Variants in EPS8L1 observed in about 807,000 individuals in gnomAD.
EPS8L1 encodes epidermal growth factor receptor kinase substrate 8-like protein 1.
EPS8L1 carries 101 observed loss-of-function variants against 91.7 expected under a neutral mutation model. The ratio of observed to expected loss-of-function variants is 1.10; its 90% CI spans 0.94 to 1.30. The LOEUF (loss-of-function observed/expected upper bound fraction) is 1.30, where lower values mean the gene tolerates loss of function less well. Among genes scored for constraint, EPS8L1 ranks in the 50% most tolerant of loss-of-function variants. The pLI is 0.00. For missense variants in EPS8L1, 1,114 were observed against 1,017.0 expected, an observed-to-expected ratio of 1.10 and a Z score of -1.30; for synonymous variants, 506 against 445.3, an observed-to-expected ratio of 1.14 and a Z score of -1.72.
chr19:55,087,252 GC>G (rs2083643192), intron 18 of EPS8L1, 50 bp from the exon 19 acceptor site: 3 of 1,547,072 alleles, frequency 1.9e-6, no homozygotes, highest in East Asian at 4.8e-5. Flanking sequence ...GATTGTCCGG[GC>G]TGGGGCATCC....
At chr19:55,080,385 C>T in intron 6 of EPS8L1, 107 bp downstream of exon 6, 1 of 1,557,138 alleles carries the variant, frequency 6.4e-7, no homozygotes, top group Non-Finnish European at 8.7e-7. Context: ...GGGGCTAAGG[C>T]GGGATCAGAG....
rs1213339479 is a variant in EPS8L1 at position 55,079,473 on chromosome 19, C to T, written c.118-217C>T. On this transcript the variant is annotated intron_variant, in intron 4 of 19. Coordinates refer to ENST00000201647, the MANE Select transcript of EPS8L1 (RefSeq NM_133180.3). ...CTCCTTCCCTGCCCGCAAGGAGCCT[C>T]CAGTCTGTGAGAAGCCAGACTCAGG... 4 of 616,044 alleles carry T rather than the reference C, an allele frequency of 6.5e-6. No homozygotes were observed. In the East Asian group the frequency reaches 1.1e-4, roughly 17 times the overall value. 38.2% of individuals were successfully genotyped at this position (616,044 alleles called of 1,614,324 possible). A position where few individuals can be genotyped will look rare whatever the true frequency, so the allele number is the denominator to read the frequency against.
chr19:55,083,767 G>A lies in EPS8L1; in HGVS notation c.1385+123G>A, dbSNP rs1337435064. 10 of 1,340,512 alleles carry A rather than the reference G, an allele frequency of 7.5e-6. No homozygotes were observed. In the South Asian group the frequency reaches 1.2e-4, roughly 17 times the overall value. The allele number at this position is 1,340,512 out of a possible 1,614,324, so 83.0% of individuals were successfully genotyped here. ...CTTCTGTCTTCCTGGCTCTTCTCAG[G>A]TGGGTGAGATGGTGATGGGGCGGGC... On this transcript the variant is annotated intron_variant, in intron 14 of 19. Coordinates refer to ENST00000201647, the MANE Select transcript of EPS8L1 (RefSeq NM_133180.3). This position sits in a 1 kb window ranked among gnomAD's most constrained non-coding sequence, Gnocchi z 4.7.
chr19:55,081,989 G>T lies in EPS8L1; in HGVS notation c.901+90G>T, dbSNP rs1308214209. 2.5e-5 allele frequency: 39 copies of T among 1,554,864 alleles called. No individual in the cohort carries two copies. The Admixed American group carries it at 2.9e-4, about 12-fold the overall frequency. On this transcript the variant is annotated intron_variant, in intron 9 of 19. Coordinates refer to ENST00000201647, the MANE Select transcript of EPS8L1 (RefSeq NM_133180.3). This position sits in a 1 kb window ranked among gnomAD's most constrained non-coding sequence, Gnocchi z 4.9. ...CCCAGGCTCTCCCCTCCCGCCACTT[G>T]CCAGGGCTGACCTCACCGCCATCTT...
chr19:55,080,425 G>A lies in EPS8L1; in HGVS notation c.429+147G>A, dbSNP rs113635251. The A allele has an allele frequency of 1.1e-3, 1,723 of 1,601,722 alleles. 22 individuals are homozygous for A. In the African/African-American group the frequency reaches 0.021, roughly 20 times the overall value. ...GAAGGGCAGGGGACCTGGGAAGGAAGTTCTGGAAGGCAGTGGGGTTTGAGA... is the reference window on the plus strand; with the variant it reads ...GAAGGGCAGGGGACCTGGGAAGGAAATTCTGGAAGGCAGTGGGGTTTGAGA... On this transcript the variant is annotated intron_variant, in intron 6 of 19. Coordinates refer to ENST00000201647, the MANE Select transcript of EPS8L1 (RefSeq NM_133180.3).
Position 55,087,536 on chromosome 19 carries a change from G to GA in EPS8L1, c.2097dup (p.Val700SerfsTer74). 1 of 1,614,248 alleles carries GA rather than the reference G, an allele frequency of 6.2e-7. No individual in the cohort carries two copies. The highest frequency in any genetic ancestry group is 8.5e-7 in the Non-Finnish European group (1 of 1,180,050). ...TCCACCCCGCCCTCCAGGACAAAGA[G>GA]AAAGTGTCAGAGCTGGAGGCAGTGA... On this transcript the variant is annotated frameshift_variant, in exon 20 of 20. Coordinates refer to ENST00000201647, the MANE Select transcript of EPS8L1 (RefSeq NM_133180.3). LOFTEE classifies it high-confidence loss of function.
chr19:55,080,457 C>T, intron 6 of EPS8L1, 179 bp downstream of exon 6: 9 of 1,612,408 alleles, frequency 5.6e-6, no homozygotes, highest in Non-Finnish European at 5.9e-6. Context: ...GAGATTGGAC[C>T]CAGGGTCAAG....
At position 55,077,931 on chromosome 19, in the gene EPS8L1, TCAATAA is replaced by T. The variant is rs757246168; in HGVS notation, c.18-156_18-151del. ...CAGCTCTGGCTCTGAGCTCTCCTGC[TCAATAA>T]TAATAATAATAATAATAATAATAAT... On this transcript the variant is annotated intron_variant, in intron 2 of 19. Coordinates refer to ENST00000201647, the MANE Select transcript of EPS8L1 (RefSeq NM_133180.3). Among the ~76,000 whole-genome samples the T allele has an allele frequency of 2.3e-3, 322 of 138,688 alleles. 1 individual carries two copies. The highest frequency in any genetic ancestry group is 0.014 in the East Asian group (66 of 4,738). 91.0% of individuals were successfully genotyped at this position (138,688 alleles called of 152,430 possible).
Position 55,086,425 on chromosome 19 carries a change from C to T in EPS8L1, c.1684C>T (p.Pro562Ser). The T allele has an allele frequency of 7.1e-6, 11 of 1,558,798 alleles. No homozygotes were observed. The highest frequency in any genetic ancestry group is 9.6e-6 in the Non-Finnish European group (11 of 1,150,334). ...TCCTCCTCCACCACCAGCCCCAGCC[C>T]CGGCCCCACCTCCAGCTCTGGCTCG... ...STPPPPPAPA[P>S]APPPALARPR... The change falls in exon 17 of 20, where the codon CCG becomes TCG. Residue 562 changes from proline to serine, a missense_variant. Transcript: ENST00000201647.
rs1275799774 is a variant in EPS8L1, at chr19:55,083,794, G to A, written c.1385+150G>A. On this transcript the variant is annotated intron_variant, in intron 14 of 19. Transcript: ENST00000201647. This position sits in a 1 kb window ranked among gnomAD's most constrained non-coding sequence, Gnocchi z 4.7. The stretch of plus-strand genomic sequence containing the variant: ...GGGTGAGATGGTGATGGGGCGGGCC[G>A]GGGCTGGGAGAGAGGGAGGAGCAGG... 3.9e-6 allele frequency: 4 copies of A among 1,013,064 alleles called. No homozygotes were observed. Among genetic ancestry groups the A allele is most frequent in the Admixed American group, 4.0e-5 (2 of 49,924 alleles). 62.8% of individuals were successfully genotyped at this position (1,013,064 alleles called of 1,614,324 possible).
rs751550041 is a variant in EPS8L1, at chr19:55,083,535, C to T, written c.1356+16C>T. On this transcript the variant is annotated intron_variant, in intron 13 of 19. Coordinates refer to ENST00000201647, the MANE Select transcript of EPS8L1 (RefSeq NM_133180.3). This position sits in a 1 kb window ranked among gnomAD's most constrained non-coding sequence, Gnocchi z 4.7. ...GCGCCGGCAGGTGACCCAAGCGACA[C>T]AGCAGGGCCGAGGCTGGGAAGTCCG... 2.5e-6 allele frequency: 4 copies of T among 1,606,696 alleles called. No individual in the cohort carries two copies. In the South Asian group the frequency reaches 4.4e-5, roughly 18 times the overall value.
chr19:55,076,285 G>A (rs767081873), intron 1 of EPS8L1, 123 bp from the exon 2 acceptor site: 2 of 779,600 alleles, frequency 2.6e-6, no homozygotes, highest in Non-Finnish European at 4.0e-6. Context: ...GGGGCTGGGG[G>A]CCTGGACTCC....
chr19:55,079,791 A>G lies in EPS8L1; in HGVS notation c.219A>G (p.Ala73=), dbSNP rs759558477. 1 of 1,614,112 alleles carries G rather than the reference A, an allele frequency of 6.2e-7. No homozygotes were observed. The highest frequency in any genetic ancestry group is 1.1e-5 in the South Asian group (1 of 91,082). Residue 73 remains alanine (A), a synonymous_variant, in exon 5 of 20, where the codon GCA becomes GCG. Coordinates refer to ENST00000201647, the MANE Select transcript of EPS8L1 (RefSeq NM_133180.3). ...TGGATAGCCAGGGCCGAGTCTGGGC[A>G]CAGGAGATGCTGCTGCGAGTGTCTC... ...AVMDSQGRVW[A]QEMLLRVSPD...
At position 55,080,279 on chromosome 19, in the gene EPS8L1, G is replaced by A. The variant is rs1476297269; in HGVS notation, c.429+1G>A. 6.5e-7 allele frequency: 1 copy of A among 1,534,002 alleles called. No individual in the cohort carries two copies. The highest frequency in any genetic ancestry group is 8.8e-7 in the Non-Finnish European group (1 of 1,137,304). On this transcript the variant is annotated splice_donor_variant, in intron 6 of 19. Coordinates refer to ENST00000201647, the MANE Select transcript of EPS8L1 (RefSeq NM_133180.3). LOFTEE classifies it high-confidence loss of function. ...CTTCTTCCAGGGCCTGCGCCTCGGG[G>A]TGAGCAGATGGGCTGGCTCTGGGGG...
At position 55,085,904 on chromosome 19, in the gene EPS8L1, C is replaced by T. The variant is rs758763191; in HGVS notation, c.1449C>T (p.Val483=). The T allele has an allele frequency of 1.2e-6, 2 of 1,613,602 alleles. No homozygotes were observed. Among genetic ancestry groups the T allele is most frequent in the Non-Finnish European group, 1.7e-6 (2 of 1,179,848 alleles). ...AGTCAGAGACAGCAGGAAAATGGGT[C>T]CTGTGTAATTATGACTTCCAGGCCC... ...QLESETAGKW[V]LCNYDFQARN... is the part of the protein sequence containing the mutation. The change falls in exon 15 of 20, where the codon GTC becomes GTT. Residue 483 remains valine, a synonymous_variant. Coordinates refer to ENST00000201647, the MANE Select transcript of EPS8L1 (RefSeq NM_133180.3).
At position 55,081,240 on chromosome 19, in the gene EPS8L1, G is replaced by A. The variant is rs1377387517; in HGVS notation, c.522G>A (p.Gln174=). Residue 174 remains glutamine, a synonymous_variant, in exon 8 of 20, where the codon CAG becomes CAA. Coordinates refer to ENST00000201647, the MANE Select transcript of EPS8L1 (RefSeq NM_133180.3). The surrounding 1 kb of genome is among the most constrained non-coding windows in gnomAD (Gnocchi z 4.9). ...CCGTCGCCCTCCGCAGGGCCACGCA[G>A]GAGGAGTTGCAGCGCGACCGCTCGC... ...ERRAAALRAT[Q]EELQRDRSPA... The A allele has an allele frequency of 5.9e-6, 9 of 1,519,074 alleles. No individual in the cohort carries two copies. The highest frequency in any genetic ancestry group is 2.4e-5 in the East Asian group (1 of 42,224). 94.1% of individuals were successfully genotyped at this position (1,519,074 alleles called of 1,614,324 possible).
rs559377104 is a variant in EPS8L1 at position 55,086,496 on chromosome 19, C to T, written c.1755C>T (p.Asn585=). ...GCTGGGACAGCTGCGATAGCCTCAA[C>T]GGCTTGGACCCCAGCGAGAAGGGTG... ...RPRWDSCDSL[N]GLDPSEKEKF... is the part of the protein sequence containing the mutation. The change falls in exon 17 of 20, where the codon AAC becomes AAT. Residue 585 remains asparagine, a synonymous_variant. Coordinates refer to ENST00000201647, the MANE Select transcript of EPS8L1 (RefSeq NM_133180.3). The T allele has an allele frequency of 5.2e-6, 8 of 1,551,470 alleles. No individual in the cohort carries two copies. In the African/African-American group the frequency reaches 1.1e-4, roughly 21 times the overall value.
intron 2 of EPS8L1, among the ~76,000 whole-genome samples, 156 bp from the exon 3 acceptor site, chr19:55,077,932 C>CAATAAT (rs34626114): frequency 2.6e-3 from 331 of 126,286 alleles, no homozygotes; most frequent in Middle Eastern, 4.1e-3. Flanking sequence ...CTCTCCTGCT[C>CAATAAT]AATAATAATA....
At position 55,079,814 on chromosome 19, in the gene EPS8L1, C is replaced by G; in HGVS notation, c.242C>G (p.Ser81Cys). 1.2e-6 allele frequency: 2 copies of G among 1,613,960 alleles called. No homozygotes were observed. Among genetic ancestry groups the G allele is most frequent in the Non-Finnish European group, 1.7e-6 (2 of 1,179,956 alleles). ...VWAQEMLLRV[S>C]PDHVTLLDPA... ...GCACAGGAGATGCTGCTGCGAGTGT[C>G]TCCCGACCATGTCACGCTGCTCGAC... The change falls in exon 5 of 20, where the codon TCT becomes TGT. Residue 81 changes from serine (S) to cysteine (C), a missense_variant. Physicochemically the swap from Ser to Cys is moderately radical, Grantham distance 112. Coordinates refer to ENST00000201647, the MANE Select transcript of EPS8L1 (RefSeq NM_133180.3).
Sources: gnomAD v4.1 joint callset for allele counts (sites outside exome capture counted in the v4.1 genomes callset) on GRCh38, gnomAD v4.1.1 for gene constraint, Gnocchi (gnomAD v3.1) non-coding constraint, MANE v1.5 for transcripts, NCBI Gene and HGNC (gene_info 2026-07-23, HGNC 2026-07-21) for gene names.